Variants in TRMT1L observed in about 807,000 individuals in gnomAD.
The protein encoded by TRMT1L is tRNA (guanine(27)-N(2))-dimethyltransferase.
A neutral mutation model predicts 81.6 loss-of-function variants in TRMT1L; 28 were observed. The observed-to-expected ratio is 0.34, with a 90% confidence interval of 0.25 to 0.47. The LOEUF is 0.47. Among genes scored for constraint, TRMT1L ranks in the 20% least tolerant of loss-of-function variants. The probability of loss-of-function intolerance (pLI) is 1.00; values close to 1 mark genes in which losing one functional copy is unlikely to be tolerated. For missense variants in TRMT1L, 739 were observed against 877.1 expected, an observed-to-expected ratio of 0.84 and a Z score of 1.99; for synonymous variants, 301 against 303.2, an observed-to-expected ratio of 0.99 and a Z score of 0.07.
intron 10 of TRMT1L, chr1:185,137,339 T>C: frequency 2.0e-6 from 1 of 495,576 alleles, no homozygotes; most frequent in Non-Finnish European, 3.6e-6. Context: ...GTTCCTAAAA[T>C]TAGTTGAGAG....
chr1:185,130,553 C>T (rs1421441814), intron 10 of TRMT1L, among the ~76,000 whole-genome samples: 3 of 152,112 alleles, frequency 2.0e-5, no homozygotes, highest in Admixed American at 6.6e-5. Context: ...TGGGACCCTG[C>T]GACGGCCTGA....
chr1:185,140,873 T>G (rs2102246413), intron 7 of TRMT1L, among the ~76,000 whole-genome samples: 1 of 150,764 alleles, frequency 6.6e-6, no homozygotes, highest in South Asian at 2.1e-4. Context: ...CCAGCTACTT[T>G]TGGGAGGCTG....
chr1:185,141,304 T>A (rs1203485193), intron 7 of TRMT1L, among the ~76,000 whole-genome samples: 1 of 152,202 alleles, frequency 6.6e-6, no homozygotes, highest in Non-Finnish European at 1.5e-5. Flanking sequence ...TGGCAAAATG[T>A]GCAAAATGAC....
At chr1:185,154,615 A>G (rs1413578127) in intron 1 of TRMT1L, among the ~76,000 whole-genome samples, 1 of 152,244 alleles carries the variant, frequency 6.6e-6, no homozygotes, top group Non-Finnish European at 1.5e-5. Flanking sequence ...ACAGCAATCA[A>G]TAAAGACGTG....
intron 10 of TRMT1L, among the ~76,000 whole-genome samples, chr1:185,134,167 C>T (rs1453258011): frequency 6.6e-6 from 1 of 152,002 alleles, no homozygotes; most frequent in African/African-American, 2.4e-5. Context: ...ATAAGACTTA[C>T]GGAACTATTT....
chr1:185,131,316 A>G (rs1371473348), intron 10 of TRMT1L, among the ~76,000 whole-genome samples: 2 of 152,294 alleles, frequency 1.3e-5, no homozygotes, highest in African/African-American at 4.8e-5. Context: ...CAAGTGCTTT[A>G]AAACAATTTT....
chr1:185,149,278 C>T (rs549877825), intron 3 of TRMT1L, among the ~76,000 whole-genome samples: 5 of 150,678 alleles, frequency 3.3e-5, no homozygotes, highest in East Asian at 3.9e-4. Context: ...TACATTTATC[C>T]GTGCCTGTTG....
chr1:185,154,217 T>C (rs887151280), intron 1 of TRMT1L, among the ~76,000 whole-genome samples: 5 of 152,294 alleles, frequency 3.3e-5, no homozygotes, highest in African/African-American at 1.2e-4. Context: ...TAAAGATGGG[T>C]CTTGCTCTGT....
intron 7 of TRMT1L, 23 bp from the exon 8 acceptor site, chr1:185,140,245 T>C (rs1230280951): frequency 1.3e-6 from 2 of 1,565,110 alleles, no homozygotes; most frequent in Non-Finnish European, 8.7e-7. Context: ...GGGAAGAAAA[T>C]GAGTTTTATA....
chr1:185,147,147 A>G (rs1477507771), intron 4 of TRMT1L, 35 bp downstream of exon 4: 1 of 1,482,096 alleles, frequency 6.7e-7, no homozygotes, highest in Admixed American at 1.8e-5. Flanking sequence ...AAAAAGGACT[A>G]AATTTAAAAA....
At chr1:185,133,270 T>C (rs918670642) in intron 10 of TRMT1L, among the ~76,000 whole-genome samples, 2 of 152,208 alleles carry the variant, frequency 1.3e-5, no homozygotes, top group African/African-American at 2.4e-5. Flanking sequence ...CTTGCTATGT[T>C]GCTCAGGCTG....
chr1:185,139,223 G>A (rs944708042), intron 9 of TRMT1L, 144 bp downstream of exon 9: 8 of 592,328 alleles, frequency 1.4e-5, no homozygotes, highest in African/African-American at 5.5e-5. Flanking sequence ...CAGATACCAC[G>A]TAAGATTAAA....
chr1:185,124,852 T>C, intron 12 of TRMT1L, 92 bp downstream of exon 12: 16 of 1,187,282 alleles, frequency 1.3e-5, no homozygotes, highest in Middle Eastern at 3.0e-4. Flanking sequence ...TATAATTATA[T>C]TGGTTTTATT....
intron 2 of TRMT1L, 28 bp downstream of exon 2, chr1:185,151,797 A>G (rs909560955): frequency 1.0e-5 from 15 of 1,444,108 alleles, no homozygotes; most frequent in African/African-American, 1.5e-5. Context: ...GAAACTAAGA[A>G]AAAAAAAAAA....
Position 185,137,689 on chromosome 1 carries a change from T to C in TRMT1L, c.1430A>G (p.Glu477Gly). The C allele has an allele frequency of 6.2e-7, 1 of 1,614,184 alleles. No homozygotes were observed. The highest frequency in any genetic ancestry group is 8.5e-7 in the Non-Finnish European group (1 of 1,180,026). The change falls in exon 10 of 15, where the codon GAA (glutamate) becomes GGA (glycine). Residue 477 changes from glutamate (E) to glycine (G), a missense_variant. Physicochemically the swap from Glu to Gly is moderately conservative, Grantham distance 98. Coordinates refer to ENST00000367506, the MANE Select transcript of TRMT1L (RefSeq NM_030934.5). ...RVLRGPTSAD[E>G]TAKKIQYLIH... The stretch of plus-strand genomic sequence containing the variant: ...CAGGTATTGAATCTTCTTGGCTGTT[T>C]CATCTGCTGAAGTAGGTCCCCTCAA...
At chr1:185,142,948 C>G (rs1035173001) in intron 7 of TRMT1L, among the ~76,000 whole-genome samples, 8 of 152,042 alleles carry the variant, frequency 5.3e-5, no homozygotes, top group Admixed American at 1.3e-4. Context: ...ATTGGGCAAA[C>G]AATTGATATT....
rs1283962221 is a variant in TRMT1L, at chr1:185,149,986, CAGAA to C, written c.460+389_460+392del. ...TCCAGTAGTTTTTTTAAGCCATCAG[CAGAA>C]AGAGATATTATCTTGTATTTTCCAA... On this transcript the variant is annotated intron_variant, in intron 3 of 14. Coordinates refer to ENST00000367506, the MANE Select transcript of TRMT1L (RefSeq NM_030934.5). Among the ~76,000 whole-genome samples the C allele has an allele frequency of 1.2e-4, 19 of 152,164 alleles. No individual in the cohort carries two copies. In the East Asian group the frequency reaches 3.1e-3, roughly 25 times the overall value.
intron 5 of TRMT1L, 124 bp downstream of exon 5, chr1:185,145,315 G>T: frequency 2.0e-6 from 2 of 993,886 alleles, no homozygotes; most frequent in Non-Finnish European, 2.9e-6. Flanking sequence ...TGAAGTAATG[G>T]ACTAGTGAAC....
At chr1:185,154,327 G>A (rs1653437652) in intron 1 of TRMT1L, among the ~76,000 whole-genome samples, 1 of 152,172 alleles carries the variant, frequency 6.6e-6, no homozygotes, top group South Asian at 2.1e-4. Context: ...CTGAGTAGCT[G>A]GGAGTATAGG....
Sources: allele counts gnomAD v4.1 joint callset (sites outside exome capture counted in the v4.1 genomes callset), GRCh38; gene constraint gnomAD v4.1.1; transcripts MANE v1.5; gene names NCBI Gene and HGNC (gene_info 2026-07-23, HGNC 2026-07-21).